The following ANO1 variants were observed in gnomAD, a reference collection of about 807,000 sequenced individuals.
The protein encoded by ANO1 is anoctamin 1.
In ANO1, 59 loss-of-function variants were observed where a neutral mutation model predicts 124.0. The ratio of observed to expected loss-of-function variants is 0.48; its 90% CI spans 0.39 to 0.59. ANO1 has a LOEUF of 0.59. ANO1 is among the 20% of genes least tolerant of loss of function. The probability of loss-of-function intolerance (pLI) is 0.00; values close to 1 mark genes in which losing one functional copy is unlikely to be tolerated. For missense variants in ANO1, 1,059 were observed against 1,328.0 expected (o/e 0.80, Z 3.15); for synonymous variants, 529 against 532.0 (o/e 0.99, Z 0.08).
At position 70,137,905 on chromosome 11, in the gene ANO1, C is replaced by T. The variant is rs2047008693; in HGVS notation, c.1258+5826C>T. On this transcript the variant is annotated intron_variant, in intron 11 of 25. Transcript: ENST00000355303. ...GGCTTGTGCCTGGTGCCAGTTGCTACGTTGCACTGGCTGTTAAAAGTGAGC... is the reference window on the plus strand; with the variant it reads ...GGCTTGTGCCTGGTGCCAGTTGCTATGTTGCACTGGCTGTTAAAAGTGAGC... 2.0e-5 allele frequency among the ~76,000 whole-genome samples: 3 copies of T among 147,800 alleles called. 1 individual carries two copies. The highest frequency in any genetic ancestry group is 3.0e-5 in the Non-Finnish European group (2 of 66,302).
At chr11:70,015,337 A>G (rs1301342228) in intron 1 of ANO1, 1 of 149,700 alleles carries the variant, frequency 6.7e-6, no homozygotes. Context: ...TACTCTGTGC[A>G]GGGCAATTTT....
chr11:70,088,222 G>T (rs1285213879), intron 2 of ANO1, 138 bp downstream of exon 2: 3 of 677,106 alleles, frequency 4.4e-6, no homozygotes, highest in Non-Finnish European at 6.9e-6. Context: ...TTAAAGAAGG[G>T]GCAGACGGGC....
At chr11:70,161,883 C>A in intron 18 of ANO1, 150 bp downstream of exon 18, 1 of 736,840 alleles carries the variant, frequency 1.4e-6, no homozygotes, top group Non-Finnish European at 2.3e-6. Context: ...AAGGCCTGGG[C>A]CCTGCTGAGG....
At position 70,122,256 on chromosome 11, in the gene ANO1, A is replaced by C. The variant is rs111219058; in HGVS notation, c.898-2094A>C. Among the ~76,000 whole-genome samples the C allele has an allele frequency of 2.8e-3, 77 of 27,548 alleles. 3 individuals carry two copies. The highest frequency in any genetic ancestry group is 4.6e-3 in the Admixed American group (7 of 1,536). The allele number at this position is 27,548 out of a possible 152,430, so 18.1% of individuals were successfully genotyped here. A position where few individuals can be genotyped will look rare whatever the true frequency, so the allele number is the denominator to read the frequency against. ...CTCCCCCACCTCTCTGTCTGTCTCT[A>C]TCTCTGTCTCTCCATCTGCCTCTGT... On this transcript the variant is annotated intron_variant, in intron 8 of 25. Coordinates refer to ENST00000355303, the MANE Select transcript of ANO1 (RefSeq NM_018043.7).
Position 70,047,092 on chromosome 11 carries a change from A to AAAG in ANO1, c.59-31448_59-31447insGAA, listed in dbSNP as rs1555005760. Among the ~76,000 whole-genome samples, 215 of 146,188 alleles carry AAAG rather than the reference A, an allele frequency of 1.5e-3. 2 individuals are homozygous for AAAG. Among genetic ancestry groups the AAAG allele is most frequent in the Middle Eastern group, 3.6e-3 (1 of 274 alleles). ...CGAGACTCTGTCTCAAAAAAAAAAA[A>AAAG]AAAAAGAAAAAGAAAGAAAGAAAAA... On this transcript the variant is annotated intron_variant, in intron 1 of 27. Transcript: ENST00000531349.
intron 18 of ANO1, among the ~76,000 whole-genome samples, chr11:70,162,295 C>G (rs2048084466): frequency 6.6e-6 from 1 of 151,374 alleles, no homozygotes; most frequent in Non-Finnish European, 1.5e-5. Flanking sequence ...CAGTGGGGAC[C>G]CCAGGCAGTG....
chr11:70,175,126 G>A (rs1363036507), intron 22 of ANO1, among the ~76,000 whole-genome samples: 1 of 152,190 alleles, frequency 6.6e-6, no homozygotes, highest in African/African-American at 2.4e-5. Flanking sequence ...ACCCACCAGG[G>A]TGAAAGGGAG....
At chr11:70,060,720 C>T (rs979366221) in intron 1 of ANO1, among the ~76,000 whole-genome samples, 36 of 152,302 alleles carry the variant, frequency 2.4e-4, no homozygotes, top group African/African-American at 8.7e-4. Flanking sequence ...CCACCACACG[C>T]AGACATAAGA....
intron 6 of ANO1, among the ~76,000 whole-genome samples, chr11:70,109,794 C>G (rs948827796): frequency 6.6e-6 from 1 of 152,178 alleles, no homozygotes; most frequent in Admixed American, 6.5e-5. Flanking sequence ...GGCTGATTCT[C>G]TGCTCGGGTG....
In ANO1 at chr11:70,149,802, T is replaced by C; in HGVS notation, c.1341+10T>C. ...CTTTGAAGAGGAAGAGGTCAGTGGG[T>C]TTGCCGCCGTGCATATCACGCCCTT... On this transcript the variant is annotated intron_variant, in intron 12 of 25. Transcript: ENST00000355303. The C allele has an allele frequency of 6.2e-7, 1 of 1,612,904 alleles. No individual in the cohort carries two copies. Among genetic ancestry groups the C allele is most frequent in the Non-Finnish European group, 8.5e-7 (1 of 1,179,494 alleles).
chr11:70,093,708 C>T (rs1033369663), intron 2 of ANO1, among the ~76,000 whole-genome samples: 7 of 152,348 alleles, frequency 4.6e-5, no homozygotes, highest in South Asian at 4.1e-4. Flanking sequence ...CATGCATCCC[C>T]GTAGTGGGTG....
chr11:70,137,417 AC>A (rs1175294711), intron 11 of ANO1, among the ~76,000 whole-genome samples: 1 of 25,334 alleles, frequency 3.9e-5, no homozygotes, highest in East Asian at 1.2e-3. Context: ...CAAACCCCCC[AC>A]CCCCCCACCC....
intron 22 of ANO1, 55 bp from the exon 23 acceptor site, chr11:70,179,949 C>T: frequency 6.5e-7 from 1 of 1,531,694 alleles, no homozygotes; most frequent in Non-Finnish European, 9.0e-7. Flanking sequence ...TGCCTGGTAG[C>T]TGGAATGACT....
At chr11:70,167,480 C>T (rs1054662933) in intron 21 of ANO1, 93 bp downstream of exon 21, 49 of 1,478,940 alleles carry the variant, frequency 3.3e-5, no homozygotes, top group Non-Finnish European at 4.1e-5. Context: ...GCATGATGCC[C>T]CCAACCCTGC....
chr11:70,156,892 G>T, intron 15 of ANO1, 55 bp from the exon 16 acceptor site: 1 of 1,527,360 alleles, frequency 6.5e-7, no homozygotes, highest in South Asian at 1.1e-5. Flanking sequence ...CTGACACACA[G>T]AGATGTCTCA....
intron 1 of ANO1, among the ~76,000 whole-genome samples, chr11:70,033,772 A>G (rs782425197): frequency 3.3e-5 from 5 of 152,102 alleles, no homozygotes; most frequent in Admixed American, 2.0e-4. Flanking sequence ...CATTCATTCC[A>G]TATTGTCTGT....
intron 25 of ANO1, among the ~76,000 whole-genome samples, chr11:70,187,284 T>C (rs2049170958): frequency 6.6e-6 from 1 of 152,224 alleles, no homozygotes; most frequent in Non-Finnish European, 1.5e-5. Flanking sequence ...AAAAACTGAC[T>C]TATGTTGCCT....
chr11:69,998,709 T>C (rs546445044), intron 1 of ANO1, among the ~76,000 whole-genome samples: 116 of 152,156 alleles, frequency 7.6e-4, no homozygotes, highest in African/African-American at 2.7e-3. Flanking sequence ...AGCACTTGGG[T>C]GGCTGAGGCA....
chr11:69,987,485 C>T (rs1217652555), intron 1 of ANO1, among the ~76,000 whole-genome samples: 4 of 152,090 alleles, frequency 2.6e-5, no homozygotes, highest in African/African-American at 7.2e-5. Flanking sequence ...AAGATTAGAA[C>T]GGAGGCCTGT....
Sources: allele counts gnomAD v4.1 joint callset (sites outside exome capture counted in the v4.1 genomes callset), GRCh38; gene constraint gnomAD v4.1.1; transcripts MANE v1.5; gene names NCBI Gene and HGNC (gene_info 2026-07-23, HGNC 2026-07-21).